LRRD1: variants seen among roughly 807,000 people sequenced by gnomAD.
The protein encoded by LRRD1 is leucine-rich repeat and death domain-containing protein 1.
Under a neutral mutation model 69.5 loss-of-function variants are expected in LRRD1, and 49 were observed. That is an observed-to-expected ratio of 0.70 (90% CI 0.56 to 0.89). The LOEUF (loss-of-function observed/expected upper bound fraction) is 0.89. Among genes scored for constraint, LRRD1 ranks in the 40% least tolerant of loss-of-function variants. LRRD1 has a pLI of 0.00. For synonymous variants in LRRD1, 303 were observed against 338.9 expected, an observed-to-expected ratio of 0.89 and a Z score of 1.16; for missense variants, 853 against 956.0, an observed-to-expected ratio of 0.89 and a Z score of 1.42.
intron 1 of LRRD1, among the ~76,000 whole-genome samples, chr7:92,166,240 C>CT (rs1788906740): frequency 6.6e-6 from 1 of 152,192 alleles, no homozygotes; most frequent in Admixed American, 6.5e-5. Flanking sequence ...CCCTTTGTCC[C>CT]TTTAGCCTTA....
At chr7:92,156,516 T>C (rs531750127) in intron 3 of LRRD1, among the ~76,000 whole-genome samples, 1 of 152,246 alleles carries the variant, frequency 6.6e-6, no homozygotes, top group South Asian at 2.1e-4. Flanking sequence ...AGATCTTATA[T>C]GTAATTTGTT....
Position 92,159,227 on chromosome 7 carries a change from T to C in LRRD1, c.1918-24A>G, listed in dbSNP as rs1788746070. ...AGCTGTAACAAAGATTACACAATTA[T>C]ACATTTATAAATACATACATATTTG... On this transcript the variant is annotated intron_variant, in intron 2 of 5. Transcript: ENST00000458448. 2.2e-6 allele frequency: 3 copies of C among 1,355,478 alleles called. No homozygotes were observed. The East Asian group carries it at 8.5e-5, about 38-fold the overall frequency. The allele number at this position is 1,355,478 out of a possible 1,614,324, so 84.0% of individuals were successfully genotyped here. A position where few individuals can be genotyped will look rare whatever the true frequency, so the allele number is the denominator to read the frequency against.
intron 4 of LRRD1, among the ~76,000 whole-genome samples, chr7:92,149,711 AT>A (rs1158010719): frequency 6.6e-6 from 1 of 152,084 alleles, no homozygotes; most frequent in Non-Finnish European, 1.5e-5. Context: ...TTATTTATTT[AT>A]TTATTTATTT....
Position 92,166,570 on chromosome 7 carries a change from A to G in LRRD1, c.-74-1294T>C, listed in dbSNP as rs1788915920. Reference sequence around the variant, plus strand: ...TTCTAAATATTATAAAGCCATCAATATATAAAAAGCATACTACTTCATGAG... The same window carrying G: ...TTCTAAATATTATAAAGCCATCAATGTATAAAAAGCATACTACTTCATGAG... On this transcript the variant is annotated intron_variant, in intron 1 of 5. Transcript: ENST00000458448. Among the ~76,000 whole-genome samples the G allele has an allele frequency of 2.0e-5, 3 of 152,260 alleles. No homozygotes were observed. The South Asian group carries it at 6.2e-4, about 31-fold the overall frequency.
chr7:92,161,613 C>G (rs1563191897), intron 2 of LRRD1, among the ~76,000 whole-genome samples: 2 of 152,196 alleles, frequency 1.3e-5, no homozygotes, highest in South Asian at 2.1e-4. Flanking sequence ...GGGAGATAAC[C>G]CAACAGCTTT....
chr7:92,173,306 C>T lies in LRRD1; in HGVS notation c.-75+5701G>A, dbSNP rs184461687. ...CTGGCCAAAGTTTTTTTGTGTAAGA[C>T]CTCAAAAGTACAGGCAACAAAAGCA... On this transcript the variant is annotated intron_variant, in intron 1 of 5. Coordinates refer to ENST00000458448, the MANE Select transcript of LRRD1 (RefSeq NM_001161528.2). Among the ~76,000 whole-genome samples, 1,106 of 152,226 alleles carry T rather than the reference C, an allele frequency of 7.3e-3. 4 individuals carry two copies. Among genetic ancestry groups the T allele is most frequent in the Non-Finnish European group, 9.8e-3 (663 of 67,998 alleles).
At chr7:92,177,474 C>T (rs1789222972) in intron 1 of LRRD1, among the ~76,000 whole-genome samples, 1 of 152,054 alleles carries the variant, frequency 6.6e-6, no homozygotes, top group Admixed American at 6.6e-5. Flanking sequence ...TTCATATTTC[C>T]TTGTGGAGGA....
chr7:92,166,085 C>A (rs564344049), intron 1 of LRRD1, among the ~76,000 whole-genome samples: 1 of 152,090 alleles, frequency 6.6e-6, no homozygotes, highest in African/African-American at 2.4e-5. Context: ...TCAAATAGTC[C>A]TTGCGTGGAT....
chr7:92,167,095 CTTTCTT>C (rs1788927709), intron 1 of LRRD1, among the ~76,000 whole-genome samples: 2 of 149,398 alleles, frequency 1.3e-5, no homozygotes, highest in African/African-American at 4.9e-5. Context: ...AGTCAATTTT[CTTTCTT>C]TTTTTTTTTT....
intron 3 of LRRD1, among the ~76,000 whole-genome samples, chr7:92,153,037 A>C (rs1313548874): frequency 6.6e-6 from 1 of 151,916 alleles, no homozygotes; most frequent in Non-Finnish European, 1.5e-5. Context: ...ATGACTAATA[A>C]GCATAATATT....
At chr7:92,142,908 G>T (rs928647409), downstream of LRRD1, 1 of 338,374 alleles carries the variant, frequency 3.0e-6, no homozygotes, top group Non-Finnish European at 5.8e-6. Flanking sequence ...TGCAAAGAGC[G>T]AAAGAACAAT....
intron 5 of LRRD1, among the ~76,000 whole-genome samples, chr7:92,145,554 C>G (rs774845396): frequency 1.3e-5 from 2 of 151,808 alleles, no homozygotes; most frequent in Admixed American, 1.3e-4. Flanking sequence ...ATTCTCCTGC[C>G]TCAGCCTCCC....
chr7:92,172,156 T>C (rs913300528), intron 1 of LRRD1, among the ~76,000 whole-genome samples: 1 of 151,928 alleles, frequency 6.6e-6, no homozygotes, highest in Non-Finnish European at 1.5e-5. Context: ...AAACCCAACA[T>C]CCGTTTATGA....
intron 2 of LRRD1, among the ~76,000 whole-genome samples, chr7:92,162,459 T>C (rs1788811500): frequency 6.6e-6 from 1 of 152,190 alleles, no homozygotes; most frequent in Non-Finnish European, 1.5e-5. Context: ...TGTGTTCTTT[T>C]CATTTGTTTA....
intron 3 of LRRD1, among the ~76,000 whole-genome samples, chr7:92,154,659 T>C (rs1258657108): frequency 6.6e-6 from 1 of 152,214 alleles, no homozygotes; most frequent in Non-Finnish European, 1.5e-5. Flanking sequence ...TTTGAGGTAA[T>C]ATTTTTATAT....
At chr7:92,150,051 C>T (rs1258779164) in intron 4 of LRRD1, 6 of 297,328 alleles carry the variant, frequency 2.0e-5, no homozygotes, top group South Asian at 1.4e-4. Context: ...ACCTGGATTA[C>T]GTAATCTGAA....
downstream of LRRD1, chr7:92,142,936 G>C (rs1007593628): frequency 3.4e-6 from 1 of 298,270 alleles, no homozygotes; most frequent in Non-Finnish European, 6.6e-6. Context: ...CAGTGTGGAA[G>C]GGGACCGGAA....
At chr7:92,171,905 A>G (rs1395860253) in intron 1 of LRRD1, among the ~76,000 whole-genome samples, 1 of 152,244 alleles carries the variant, frequency 6.6e-6, no homozygotes, top group Middle Eastern at 3.2e-3. Context: ...CATTAATAGA[A>G]CCAATAACAA....
chr7:92,144,119 C>G (rs1820251018), downstream of LRRD1, among the ~76,000 whole-genome samples: 1 of 152,190 alleles, frequency 6.6e-6, no homozygotes, highest in South Asian at 2.1e-4. Context: ...GGACACTCAA[C>G]TGAAGGATTA....
Sources: gnomAD v4.1 joint callset for allele counts (sites outside exome capture counted in the v4.1 genomes callset) on GRCh38, gnomAD v4.1.1 for gene constraint, MANE v1.5 for transcripts, NCBI Gene and HGNC (gene_info 2026-07-23, HGNC 2026-07-21) for gene names.